The following NUP214 variants were observed in gnomAD, a reference collection of about 807,000 sequenced individuals.
NUP214 encodes nuclear pore complex protein Nup214.
NUP214 carries 79 observed loss-of-function variants against 196.2 expected under a neutral mutation model. The ratio of observed to expected loss-of-function variants is 0.40; its 90% CI spans 0.34 to 0.49. The LOEUF is 0.49. Ranked by LOEUF, NUP214 falls within the 20% of genes least tolerant of loss-of-function variation. The pLI is 0.58. For missense variants in NUP214, 2,468 were observed against 2,539.0 expected, an observed-to-expected ratio of 0.97 and a Z score of 0.60; for synonymous variants, 1,020 against 990.5, an observed-to-expected ratio of 1.03 and a Z score of -0.56.
chr9:131,223,733 T>TATTTTTA (rs1386712070), intron 32 of NUP214, among the ~76,000 whole-genome samples: 3 of 31,768 alleles, frequency 9.4e-5, no homozygotes, highest in Admixed American at 4.4e-4. Flanking sequence ...ATTTATTTTT[T>TATTTTTA]TTTTTTTTTT....
chr9:131,201,942 A>G (rs1833952602), intron 30 of NUP214, among the ~76,000 whole-genome samples: 1 of 152,182 alleles, frequency 6.6e-6, no homozygotes, highest in African/African-American at 2.4e-5. Context: ...CTTCTGAGAA[A>G]GTATTTTGAA....
intron 28 of NUP214, among the ~76,000 whole-genome samples, chr9:131,196,025 T>TCCCTCTCCCCC (rs1554737949): frequency 2.7e-4 from 1 of 3,668 alleles, no homozygotes; most frequent in African/African-American, 6.6e-4. Context: ...ACTCTGTGTG[T>TCCCTCTCCCCC]CCCCCCCCCC....
At chr9:131,187,917 A>G (rs1182901246) in intron 25 of NUP214, among the ~76,000 whole-genome samples, 1 of 152,194 alleles carries the variant, frequency 6.6e-6, no homozygotes, top group Non-Finnish European at 1.5e-5. Flanking sequence ...TTGGGGTCAT[A>G]ATTCTAATAC....
chr9:131,231,912 C>CAAAAAAAAAAAA (rs900440054), intron 34 of NUP214, among the ~76,000 whole-genome samples: 1 of 43,958 alleles, frequency 2.3e-5, no homozygotes, highest in Non-Finnish European at 4.8e-5. Flanking sequence ...ACAACAACAG[C>CAAAAAAAAAAAA]AAAAAAAAAA....
intron 28 of NUP214, among the ~76,000 whole-genome samples, chr9:131,196,377 G>C (rs114383803): frequency 0.04 from 6,144 of 152,062 alleles, 161 homozygotes; most frequent in African/African-American, 0.077. Flanking sequence ...TGATCAGGCT[G>C]GTCTCGAACT....
At chr9:131,148,790 ACACACG>A (rs1588132505) in intron 14 of NUP214, among the ~76,000 whole-genome samples, 1 of 152,154 alleles carries the variant, frequency 6.6e-6, no homozygotes, top group East Asian at 1.9e-4. Context: ...GAATACACAC[ACACACG>A]CACACACATA....
At chr9:131,156,088 A>G (rs1167249367) in intron 17 of NUP214, among the ~76,000 whole-genome samples, 3 of 151,346 alleles carry the variant, frequency 2.0e-5, no homozygotes, top group Admixed American at 6.6e-5. Context: ...CATTTTCACA[A>G]TATTGATTCT....
intron 32 of NUP214, 134 bp from the exon 33 acceptor site, chr9:131,228,026 A>T: frequency 1.2e-6 from 1 of 839,620 alleles, no homozygotes; most frequent in Non-Finnish European, 1.7e-6. Context: ...TAGTTCTTGC[A>T]TTTGAATTGC....
At chr9:131,224,679 GTCTT>G (rs1405048746) in intron 32 of NUP214, among the ~76,000 whole-genome samples, 1 of 152,150 alleles carries the variant, frequency 6.6e-6, no homozygotes, top group Non-Finnish European at 1.5e-5. Context: ...AGGTAGCTTA[GTCTT>G]TCTTTGGTTG....
chr9:131,210,244 G>A (rs1252732182), intron 30 of NUP214, among the ~76,000 whole-genome samples: 2 of 152,212 alleles, frequency 1.3e-5, no homozygotes, highest in African/African-American at 4.8e-5. Context: ...ACTGGAGACA[G>A]ACTTTAACTG....
Position 131,163,141 on chromosome 9 carries a change from C to G in NUP214, c.2691C>G (p.Ser897=), listed in dbSNP as rs946513204. The change falls in exon 19 of 36, where the codon TCC becomes TCG. Residue 897 remains serine (S), a synonymous_variant. Transcript: ENST00000359428. ...LYKQTSLWSL[S]SAVPSQSSIH... Reference sequence around the variant, plus strand: ...AACAGACTTCCCTGTGGAGCCTGTCCTCGGCTGTTCCTTCCCAGAGCAGCA... The same window carrying G: ...AACAGACTTCCCTGTGGAGCCTGTCGTCGGCTGTTCCTTCCCAGAGCAGCA... 4 of 1,613,514 alleles carry G rather than the reference C, an allele frequency of 2.5e-6. No homozygotes were observed. In the East Asian group the frequency reaches 6.7e-5, roughly 27 times the overall value.
chr9:131,179,408 T>G (rs1833204059), intron 24 of NUP214, among the ~76,000 whole-genome samples: 1 of 152,224 alleles, frequency 6.6e-6, no homozygotes, highest in Non-Finnish European at 1.5e-5. Context: ...TGCTTTGCCC[T>G]GCATATTTTG....
intron 33 of NUP214, chr9:131,229,328 C>G (rs959078600): frequency 1.7e-5 from 3 of 176,026 alleles, no homozygotes; most frequent in African/African-American, 7.2e-5. Context: ...GGTTTGCCCT[C>G]AGGAAACCCC....
chr9:131,184,233 G>C (rs558915351), intron 24 of NUP214, among the ~76,000 whole-genome samples: 1 of 151,004 alleles, frequency 6.6e-6, no homozygotes, highest in Non-Finnish European at 1.5e-5. Context: ...GTTTAACCAT[G>C]TTGGCCCGGC....
Position 131,175,502 on chromosome 9 carries a change from G to A in NUP214, c.3200G>A (p.Ser1067Asn). The A allele has an allele frequency of 6.2e-7, 1 of 1,614,196 alleles. No individual in the cohort carries two copies. Among genetic ancestry groups the A allele is most frequent in the Non-Finnish European group, 8.5e-7 (1 of 1,180,036 alleles). ...ASKIIPQGAD[S>N]TMLATKTVKH... ...AAAATTATTCCTCAAGGGGCCGATA[G>A]CACAATGCTTGCCACGAAAACCGTG... The change falls in exon 23 of 36, where the codon AGC becomes AAC. Residue 1067 changes from serine to asparagine, a missense_variant. Transcript: ENST00000359428.
Position 131,193,050 on chromosome 9 carries a change from T to C in NUP214, c.3659+758T>C, listed in dbSNP as rs117640895. On this transcript the variant is annotated intron_variant, in intron 27 of 35. Transcript: ENST00000359428. ...TAGGCATTTGAAATTTGAGGTTTTA[T>C]ATAGATGTGGAGGAATCTGTTTCCG... Among the ~76,000 whole-genome samples, 1,027 of 151,910 alleles carry C rather than the reference T, an allele frequency of 6.8e-3. 4 individuals are homozygous for C. Among genetic ancestry groups the C allele is most frequent in the Middle Eastern group, 0.01 (3 of 292 alleles).
chr9:131,188,200 C>T (rs1485416463), intron 25 of NUP214, among the ~76,000 whole-genome samples: 3 of 152,236 alleles, frequency 2.0e-5, no homozygotes, highest in Non-Finnish European at 4.4e-5. Context: ...CTGGTTTTCT[C>T]CTGCAATCCC....
At chr9:131,134,802 TA>T (rs1831668010) in intron 7 of NUP214, 95 bp from the exon 8 acceptor site, 1 of 768,918 alleles carries the variant, frequency 1.3e-6, no homozygotes, top group African/African-American at 1.7e-5. Flanking sequence ...AATATTCTCA[TA>T]TAACTTTAAA....
intron 11 of NUP214, 81 bp from the exon 12 acceptor site, chr9:131,144,199 A>G: frequency 1.8e-6 from 2 of 1,127,152 alleles, no homozygotes; most frequent in Admixed American, 4.3e-5. Context: ...TCTACCACAA[A>G]TTCTTTTTCA....
Sources: gnomAD v4.1 joint callset for allele counts (sites outside exome capture counted in the v4.1 genomes callset) on GRCh38, gnomAD v4.1.1 for gene constraint, MANE v1.5 for transcripts, NCBI Gene and HGNC (gene_info 2026-07-23, HGNC 2026-07-21) for gene names.